Variants in ADAM12 observed in about 807,000 individuals in gnomAD.
ADAM12 encodes the protein ADAM metallopeptidase domain 12.
A neutral mutation model predicts 106.4 loss-of-function variants in ADAM12; 70 were observed. The ratio of observed to expected loss-of-function variants is 0.66; its 90% CI spans 0.54 to 0.80. The LOEUF (loss-of-function observed/expected upper bound fraction) is 0.80, where lower values mean the gene tolerates loss of function less well. Among genes scored for constraint, ADAM12 ranks in the 30% least tolerant of loss-of-function variants. The pLI is 0.00. For synonymous variants in ADAM12, 420 were observed against 433.5 expected (o/e 0.97, Z 0.39); for missense variants, 1,010 against 1,171.9 (o/e 0.86, Z 2.02).
intron 21 of ADAM12, among the ~76,000 whole-genome samples, chr10:126,032,409 G>A (rs1036972217): frequency 1.3e-5 from 2 of 152,194 alleles, no homozygotes; most frequent in African/African-American, 4.8e-5. Context: ...CCAGCCTGGA[G>A]TGAGAAATGT....
At chr10:126,361,874 G>A (rs1855757198) in intron 1 of ADAM12, among the ~76,000 whole-genome samples, 1 of 152,000 alleles carries the variant, frequency 6.6e-6, no homozygotes, top group Admixed American at 6.6e-5. Context: ...TTGGTCTATA[G>A]GCAATTTTTT....
At chr10:126,249,889 A>C (rs1590681160) in intron 3 of ADAM12, among the ~76,000 whole-genome samples, 1 of 152,284 alleles carries the variant, frequency 6.6e-6, no homozygotes, top group East Asian at 1.9e-4. Flanking sequence ...TGGAGCACAC[A>C]CCATGGTCCT....
chr10:126,366,365 C>A (rs187856979), intron 1 of ADAM12, among the ~76,000 whole-genome samples: 3 of 152,046 alleles, frequency 2.0e-5, no homozygotes, highest in Non-Finnish European at 4.4e-5. Flanking sequence ...CAGCAGGATG[C>A]GTGATCCTTT....
At chr10:126,233,160 T>C (rs1958346028) in intron 3 of ADAM12, among the ~76,000 whole-genome samples, 1 of 152,010 alleles carries the variant, frequency 6.6e-6, no homozygotes, top group African/African-American at 2.4e-5. Flanking sequence ...TGGGTCCCCA[T>C]GATGCAGGGT....
At position 126,365,528 on chromosome 10, in the gene ADAM12, C is replaced by T. The variant is rs569422240; in HGVS notation, c.88+22530G>A. Among the ~76,000 whole-genome samples, 443 of 152,212 alleles carry T rather than the reference C, an allele frequency of 2.9e-3. 1 individual carries two copies. Among genetic ancestry groups the T allele is most frequent in the Admixed American group, 5.7e-3 (87 of 15,286 alleles). On this transcript the variant is annotated intron_variant, in intron 1 of 22. Coordinates refer to ENST00000448723, the MANE Select transcript of ADAM12 (RefSeq NM_001288973.2). Reference sequence around the variant, plus strand: ...AGAAAAGAGGTTTGACTCACAGTTCCGTGTGGCTGGGAAGGCCTCAGGAAA... The same window carrying T: ...AGAAAAGAGGTTTGACTCACAGTTCTGTGTGGCTGGGAAGGCCTCAGGAAA...
intron 3 of ADAM12, among the ~76,000 whole-genome samples, chr10:126,156,427 G>A (rs532435771): frequency 4.6e-4 from 70 of 152,286 alleles, no homozygotes; most frequent in Non-Finnish European, 6.5e-4. Context: ...TACATAGGGC[G>A]CACACGAAGT....
intron 1 of ADAM12, among the ~76,000 whole-genome samples, chr10:126,387,188 A>C (rs1856693031): frequency 6.6e-6 from 1 of 152,204 alleles, no homozygotes; most frequent in Non-Finnish European, 1.5e-5. Context: ...GGCAGAAAGA[A>C]GGCGGCGGCG....
At chr10:126,290,577 T>C (rs575709350) in intron 2 of ADAM12, among the ~76,000 whole-genome samples, 1 of 152,236 alleles carries the variant, frequency 6.6e-6, no homozygotes, top group Non-Finnish European at 1.5e-5. Flanking sequence ...ATCAAACTGC[T>C]ACTGCACAGC....
intron 3 of ADAM12, among the ~76,000 whole-genome samples, chr10:126,158,888 A>G (rs1590526546): frequency 6.8e-6 from 1 of 147,946 alleles, no homozygotes; most frequent in African/African-American, 2.6e-5. Flanking sequence ...GAGAGGATGC[A>G]CAGAGCATGG....
At chr10:126,077,626 CA>C (rs1432814323) in intron 11 of ADAM12, among the ~76,000 whole-genome samples, 1 of 152,018 alleles carries the variant, frequency 6.6e-6, no homozygotes, top group African/African-American at 2.4e-5. Flanking sequence ...CAAAAATTGA[CA>C]AAAATAAACA....
intron 2 of ADAM12, among the ~76,000 whole-genome samples, chr10:126,288,633 G>A (rs1959992975): frequency 6.6e-6 from 1 of 151,616 alleles, no homozygotes; most frequent in African/African-American, 2.4e-5. Flanking sequence ...TGGCCCCAAG[G>A]ACAGGACCAT....
chr10:126,257,789 A>T (rs1958921827), intron 3 of ADAM12, among the ~76,000 whole-genome samples: 1 of 152,250 alleles, frequency 6.6e-6, no homozygotes, highest in South Asian at 2.1e-4. Flanking sequence ...TTAGAATTAT[A>T]AAACCAGTCA....
rs556448104 is a variant in ADAM12 at position 126,173,656 on chromosome 10, T to G, written c.261-18351A>C. ...TTTTTTTAAGTTTCAGAGCGCAAGT[T>G]TTAAAGTCAATGGAGGAACAAAAGT... On this transcript the variant is annotated intron_variant, in intron 3 of 22. Coordinates refer to ENST00000448723, the MANE Select transcript of ADAM12 (RefSeq NM_001288973.2). 1.5e-3 allele frequency among the ~76,000 whole-genome samples: 221 copies of G among 152,164 alleles called. 1 individual carries two copies. Among genetic ancestry groups the G allele is most frequent in the African/African-American group, 5.1e-3 (212 of 41,510 alleles).
chr10:126,275,755 C>T (rs570088937), intron 3 of ADAM12, among the ~76,000 whole-genome samples: 31 of 152,210 alleles, frequency 2.0e-4, no homozygotes, highest in African/African-American at 7.0e-4. Flanking sequence ...ATAATAAATA[C>T]GTTAGCAATC....
intron 1 of ADAM12, among the ~76,000 whole-genome samples, chr10:126,356,561 C>T (rs1245027119): frequency 6.6e-6 from 1 of 152,168 alleles, no homozygotes; most frequent in Non-Finnish European, 1.5e-5. Context: ...GCGCAAAAAC[C>T]AGTGCAAGAA....
At chr10:126,061,764 A>G (rs1027099741) in intron 14 of ADAM12, among the ~76,000 whole-genome samples, 2 of 152,180 alleles carry the variant, frequency 1.3e-5, no homozygotes, top group African/African-American at 4.8e-5. Flanking sequence ...AAGGCAAGGA[A>G]ACAGATGCTC....
Position 126,350,823 on chromosome 10 carries a change from T to C in ADAM12, c.89-20314A>G, listed in dbSNP as rs551092231. On this transcript the variant is annotated intron_variant, in intron 1 of 22. Coordinates refer to ENST00000448723, the MANE Select transcript of ADAM12 (RefSeq NM_001288973.2). ...GGCACCTGGCCAGAATTCACGCCTC[T>C]GGCAGTGGGCAGAGCTCAGGCTCAC... 7.2e-5 allele frequency among the ~76,000 whole-genome samples: 11 copies of C among 152,336 alleles called. No homozygotes were observed. In the East Asian group the frequency reaches 2.1e-3, roughly 29 times the overall value.
intron 1 of ADAM12, among the ~76,000 whole-genome samples, chr10:126,345,278 T>G (rs951579091): frequency 6.6e-6 from 1 of 152,222 alleles, no homozygotes; most frequent in African/African-American, 2.4e-5. Context: ...TCTATTGAGA[T>G]AACCATGTGG....
At chr10:126,038,455 T>A in intron 19 of ADAM12, 106 bp from the exon 20 acceptor site, 1 of 820,254 alleles carries the variant, frequency 1.2e-6, no homozygotes, top group Non-Finnish European at 1.9e-6. Flanking sequence ...TTTACTTAAC[T>A]CAGTGTGCTA....
Sources: allele counts gnomAD v4.1 joint callset (sites outside exome capture counted in the v4.1 genomes callset), GRCh38; gene constraint gnomAD v4.1.1; transcripts MANE v1.5; gene names NCBI Gene and HGNC (gene_info 2026-07-23, HGNC 2026-07-21).